EPG5: variants seen among roughly 807,000 people sequenced by gnomAD.
EPG5 encodes ectopic P granules protein 5 homolog.
A neutral mutation model predicts 302.7 loss-of-function variants in EPG5; 159 were observed. That is an observed-to-expected ratio of 0.53 (90% CI 0.46 to 0.60). The LOEUF is 0.60. Among genes scored for constraint, EPG5 ranks in the 20% least tolerant of loss-of-function variants. The pLI is 0.00. For missense variants in EPG5, 2,896 were observed against 3,092.4 expected, an observed-to-expected ratio of 0.94 and a Z score of 1.51; for synonymous variants, 1,158 against 1,136.8, an observed-to-expected ratio of 1.02 and a Z score of -0.37.
intron 22 of EPG5, 81 bp from the exon 23 acceptor site, chr18:45,910,823 C>T (rs1488450022): frequency 1.6e-5 from 17 of 1,081,938 alleles, no homozygotes; most frequent in Non-Finnish European, 2.3e-5. Context: ...AGTTAATTAG[C>T]AAGGCAATTT....
rs779664257 is a variant in EPG5, at chr18:45,857,987, G to C, written c.7308C>G (p.Asp2436Glu). 9.9e-6 allele frequency: 16 copies of C among 1,613,834 alleles called. No individual in the cohort carries two copies. Among genetic ancestry groups the C allele is most frequent in the Non-Finnish European group, 1.4e-5 (16 of 1,180,008 alleles). ...QLSLIQTEQN[D>E]SVLTESVIRI... ...GAATGACAGATTCTGTCAGGACGGA[G>C]TCATTCTGCTCTGTCTGAATGAGGG... is the stretch of plus-strand genomic sequence containing the variant. The change falls in exon 42 of 44, where the codon GAC becomes GAG. Residue 2436 changes from aspartate to glutamate, a missense_variant. Asp to Glu is a conservative substitution (Grantham distance 45). Transcript: ENST00000282041.
intron 4 of EPG5, 49 bp downstream of exon 4, chr18:45,951,053 T>G (rs2143720647): frequency 1.4e-6 from 2 of 1,379,928 alleles, no homozygotes. Context: ...ATTCCTAAAT[T>G]ATGAAAGAAA....
At chr18:45,802,697 C>T in the EPG5 span, among the ~76,000 whole-genome samples, 1 of 152,222 alleles carries the variant, frequency 6.6e-6, no homozygotes, top group Admixed American at 6.5e-5. Context: ...GCCCCACCCT[C>T]ACTCTGCATG....
intron 10 of EPG5, 56 bp downstream of exon 10, chr18:45,939,544 G>T (rs962783916): frequency 3.2e-6 from 5 of 1,545,928 alleles, no homozygotes; most frequent in Non-Finnish European, 4.5e-6. Flanking sequence ...TCACCGAATG[G>T]TTCTTACTAG....
At chr18:45,825,981 T>G in the EPG5 span, among the ~76,000 whole-genome samples, 2 of 152,138 alleles carry the variant, frequency 1.3e-5, no homozygotes, top group Non-Finnish European at 1.5e-5. Context: ...TCAGGTGACT[T>G]GAGACAGGCA....
intron 11 of EPG5, among the ~76,000 whole-genome samples, chr18:45,933,013 GACAC>G (rs2050430372): frequency 6.6e-6 from 1 of 152,162 alleles, no homozygotes; most frequent in African/African-American, 2.4e-5. Context: ...GAAGGGAGAT[GACAC>G]TACAAAGGAG....
At chr18:45,891,417 T>C (rs2049343734) in intron 27 of EPG5, among the ~76,000 whole-genome samples, 1 of 150,228 alleles carries the variant, frequency 6.7e-6, no homozygotes, top group Non-Finnish European at 1.5e-5. Context: ...GAGAATTGCT[T>C]GAACCTAGGA....
intron 13 of EPG5, 111 bp downstream of exon 13, chr18:45,928,758 C>T: frequency 9.9e-7 from 1 of 1,007,142 alleles, no homozygotes; most frequent in South Asian, 1.8e-5. Context: ...TCCTTTTATC[C>T]TGTTTATACC....
chr18:45,802,750 A>G, the EPG5 span, among the ~76,000 whole-genome samples: 13 of 152,354 alleles, frequency 8.5e-5, no homozygotes, highest in East Asian at 2.5e-3. Flanking sequence ...GCTCATTTCT[A>G]ATCACATCCT....
At chr18:45,868,449 T>C (rs1320300978) in intron 36 of EPG5, among the ~76,000 whole-genome samples, 2 of 151,746 alleles carry the variant, frequency 1.3e-5, no homozygotes, top group African/African-American at 4.8e-5. Flanking sequence ...GCAATTCTCC[T>C]GTCTCAGCCT....
At chr18:45,960,308 A>G (rs555113760) in intron 1 of EPG5, among the ~76,000 whole-genome samples, 6 of 152,300 alleles carry the variant, frequency 3.9e-5, no homozygotes, top group African/African-American at 1.2e-4. Context: ...GTGTTGCCCA[A>G]CCTAGAGTGC....
At chr18:45,823,287 C>T in the EPG5 span, among the ~76,000 whole-genome samples, 3 of 152,002 alleles carry the variant, frequency 2.0e-5, no homozygotes, top group Non-Finnish European at 4.4e-5. Flanking sequence ...TCTGGAGACA[C>T]CTGAGATGAG....
rs375859542 is a variant in EPG5 at position 45,948,532 on chromosome 18, T to C, written c.1542A>G (p.Gln514=). The change falls in exon 6 of 44, where the codon CAA becomes CAG. Residue 514 remains glutamine (Q), a synonymous_variant. Transcript: ENST00000282041. ...HNPSGVFHFM[Q]SLALLMSPVK... ...CAGGAGACATCAGCAGGGCAAGGGA[T>C]TGCATAAAATGAAAGACCCCTGATG... 7.4e-6 allele frequency: 12 copies of C among 1,613,978 alleles called. No individual in the cohort carries two copies. Among genetic ancestry groups the C allele is most frequent in the South Asian group, 6.6e-5 (6 of 91,078 alleles).
Position 45,863,816 on chromosome 18 carries a change from G to C in EPG5, c.6766+1799C>G, listed in dbSNP as rs140265694. ...TCTGCCTTTCCTTCCTGGATGTAAA[G>C]GGTTTTGTTTTGTTTTGTTTTTTAA... is the stretch of plus-strand genomic sequence containing the variant. On this transcript the variant is annotated intron_variant, in intron 39 of 43. Coordinates refer to ENST00000282041, the MANE Select transcript of EPG5 (RefSeq NM_020964.3). Among the ~76,000 whole-genome samples the C allele has an allele frequency of 1.7e-4, 26 of 152,278 alleles. No individual in the cohort carries two copies. In the East Asian group the frequency reaches 5.0e-3, roughly 29 times the overall value.
intron 13 of EPG5, among the ~76,000 whole-genome samples, chr18:45,926,812 G>C (rs1348876210): frequency 1.2e-4 from 1 of 8,226 alleles, no homozygotes; most frequent in Non-Finnish European, 3.0e-4. Flanking sequence ...ACTCTGTCTT[G>C]GGAGAAAAAA....
intron 6 of EPG5, 47 bp downstream of exon 6, chr18:45,948,456 G>A (rs2050834413): frequency 6.9e-7 from 1 of 1,458,600 alleles, no homozygotes; most frequent in African/African-American, 1.4e-5. Flanking sequence ...TCCTTTAGAA[G>A]AAAGAAGCAT....
chr18:45,817,506 C>A, the EPG5 span, among the ~76,000 whole-genome samples: 1 of 152,182 alleles, frequency 6.6e-6, no homozygotes, highest in Admixed American at 6.5e-5. Flanking sequence ...AGTGGCTGGG[C>A]CCAGGGTATC....
chr18:45,926,210 C>T (rs569105900), intron 13 of EPG5, among the ~76,000 whole-genome samples: 37 of 152,218 alleles, frequency 2.4e-4, no homozygotes, highest in South Asian at 1.9e-3. Context: ...CATGATAAAT[C>T]GGGGGACGGC....
rs369136227 is a variant in EPG5 at position 45,901,093 on chromosome 18, G to C, written c.4549C>G (p.Pro1517Ala). 1.9e-6 allele frequency: 3 copies of C among 1,614,204 alleles called. No homozygotes were observed. Among genetic ancestry groups the C allele is most frequent in the East Asian group, 2.2e-5 (1 of 44,886 alleles). Residue 1517 changes from proline to alanine, a missense_variant, in exon 26 of 44, where the codon CCT becomes GCT. This residue lies in a region of EPG5 where 790 missense variants were observed against 798.0 expected (regional missense o/e 0.99). Coordinates refer to ENST00000282041, the MANE Select transcript of EPG5 (RefSeq NM_020964.3). ...GCAGAGGAAATAACTGGCACAGGAG[G>C]CTTCGTCGGGTGCAGAGCAAGGGGA... Reference protein sequence around the residue: ...QPPLALHPTKPPVPVISSAVL... With the variant: ...QPPLALHPTKAPVPVISSAVL...
Sources: gnomAD v4.1 joint callset for allele counts (sites outside exome capture counted in the v4.1 genomes callset) on GRCh38, gnomAD v4.1.1 for gene constraint, gnomAD v4.1.1 regional missense constraint, MANE v1.5 for transcripts, NCBI Gene and HGNC (gene_info 2026-07-23, HGNC 2026-07-21) for gene names.